The following PPM1B variants were observed in gnomAD, a reference collection of about 807,000 sequenced individuals.
The protein encoded by PPM1B is protein phosphatase 1B.
PPM1B carries 22 observed loss-of-function variants against 43.0 expected under a neutral mutation model. That is an observed-to-expected ratio of 0.51 (90% CI 0.37 to 0.73). The LOEUF is 0.73. Ranked by LOEUF, PPM1B falls within the 30% of genes least tolerant of loss-of-function variation. PPM1B has a pLI of 0.00. For synonymous variants in PPM1B, 217 were observed against 197.9 expected (o/e 1.10, Z -0.81); for missense variants, 632 against 584.2 (o/e 1.08, Z -0.84).
In PPM1B at chr2:44,186,640, G is replaced by A. The variant is rs182037375; in HGVS notation, c.-14-14546G>A. On this transcript the variant is annotated intron_variant, in intron 1 of 5. Transcript: ENST00000282412. Reference sequence around the variant, plus strand: ...TCCACCCGCCTGAGCCTCCCAAACTGCTGGGATTATTGGCGTGAGCCATTG... The same window carrying A: ...TCCACCCGCCTGAGCCTCCCAAACTACTGGGATTATTGGCGTGAGCCATTG... Among the ~76,000 whole-genome samples, 235 of 152,304 alleles carry A rather than the reference G, an allele frequency of 1.5e-3. 2 individuals carry two copies. Among genetic ancestry groups the A allele is most frequent in the African/African-American group, 5.5e-3 (227 of 41,572 alleles).
chr2:44,178,680 A>C (rs1017053735), intron 1 of PPM1B, among the ~76,000 whole-genome samples: 1 of 151,884 alleles, frequency 6.6e-6, no homozygotes, highest in Non-Finnish European at 1.5e-5. Context: ...CATGTTGGCC[A>C]GGGTGGTCTG....
intron 3 of PPM1B, among the ~76,000 whole-genome samples, chr2:44,212,736 C>T (rs1305739433): frequency 6.6e-6 from 1 of 152,094 alleles, no homozygotes; most frequent in Non-Finnish European, 1.5e-5. Flanking sequence ...GTAGGCCAGT[C>T]ATGGTGGCTC....
intron 3 of PPM1B, among the ~76,000 whole-genome samples, chr2:44,215,592 C>A (rs1232405604): frequency 6.6e-6 from 1 of 151,916 alleles, no homozygotes; most frequent in Non-Finnish European, 1.5e-5. Context: ...CTTGGTAAAT[C>A]TGTGTGTATG....
intron 1 of PPM1B, among the ~76,000 whole-genome samples, chr2:44,177,439 A>G (rs1465034381): frequency 2.3e-5 from 2 of 88,736 alleles, no homozygotes; most frequent in African/African-American, 5.0e-5. Flanking sequence ...TTTTTTTGAG[A>G]CGGAGTTTTG....
intron 1 of PPM1B, among the ~76,000 whole-genome samples, chr2:44,172,210 G>A (rs568567793): frequency 2.8e-4 from 42 of 152,082 alleles, no homozygotes; most frequent in African/African-American, 1.0e-3. Context: ...ATTTCTTTTT[G>A]TTTTTCCCTT....
chr2:44,201,345 G>A lies in PPM1B; in HGVS notation c.146G>A (p.Gly49Asp). 6.2e-7 allele frequency: 1 copy of A among 1,614,148 alleles called. No individual in the cohort carries two copies. The highest frequency in any genetic ancestry group is 8.5e-7 in the Non-Finnish European group (1 of 1,180,022). ...ACAGCTGTTGTAGGTATTCCTCACG[G>A]CTTGGAAGACTGGTCATTTTTTGCA... ...AHTAVVGIPH[G>D]LEDWSFFAVY... The change falls in exon 2 of 6, where the codon GGC (glycine) becomes GAC (aspartate). Residue 49 changes from glycine to aspartate, a missense_variant. Physicochemically the swap from Gly to Asp is moderately conservative, Grantham distance 94. Transcript: ENST00000282412. This position sits in a 1 kb window ranked among gnomAD's most constrained non-coding sequence, Gnocchi z 5.4.
downstream of PPM1B, chr2:44,232,328 C>G: frequency 1.9e-6 from 3 of 1,605,498 alleles, no homozygotes; most frequent in Non-Finnish European, 2.6e-6. Flanking sequence ...TGCTGGAGAT[C>G]TAGAAGACCC....
chr2:44,190,447 C>G (rs150956631), intron 1 of PPM1B, among the ~76,000 whole-genome samples: 10 of 152,184 alleles, frequency 6.6e-5, no homozygotes, highest in African/African-American at 2.4e-4. Flanking sequence ...GCGTGAGCCA[C>G]TGTGCCTGGC....
chr2:44,226,420 C>T (rs897235652), intron 5 of PPM1B, among the ~76,000 whole-genome samples: 2 of 152,120 alleles, frequency 1.3e-5, no homozygotes, highest in Admixed American at 6.6e-5. Context: ...GACCCAAATA[C>T]GACAAATGGA....
At chr2:44,233,013 C>G (rs1670513027), downstream of PPM1B, 2 of 982,540 alleles carry the variant, frequency 2.0e-6, no homozygotes, top group Non-Finnish European at 2.4e-6. Context: ...CATCCTTCAA[C>G]TCTCACTAGA....
intron 5 of PPM1B, among the ~76,000 whole-genome samples, chr2:44,240,125 G>C (rs1245132823): frequency 6.9e-6 from 1 of 145,068 alleles, no homozygotes; most frequent in African/African-American, 2.5e-5. Context: ...CTCCTGCCTC[G>C]GCCTCCCAAA....
intron 5 of PPM1B, among the ~76,000 whole-genome samples, chr2:44,227,706 G>C (rs569365856): frequency 1.3e-5 from 2 of 151,410 alleles, no homozygotes; most frequent in Non-Finnish European, 2.9e-5. Flanking sequence ...TTTTAGTAGA[G>C]ATGGGGTTTC....
downstream of PPM1B, among the ~76,000 whole-genome samples, chr2:44,232,009 G>A (rs942970713): frequency 3.9e-5 from 6 of 152,030 alleles, no homozygotes; most frequent in African/African-American, 1.2e-4. Context: ...TTGAAACTTC[G>A]GAATCTTTGG....
At chr2:44,173,215 T>C (rs1263159440) in intron 1 of PPM1B, among the ~76,000 whole-genome samples, 1 of 152,178 alleles carries the variant, frequency 6.6e-6, no homozygotes, top group Non-Finnish European at 1.5e-5. Context: ...GGAATCAGCG[T>C]TATGGTGAAA....
downstream of PPM1B, among the ~76,000 whole-genome samples, chr2:44,231,696 C>G (rs551194801): frequency 1.3e-5 from 2 of 152,034 alleles, no homozygotes; most frequent in South Asian, 4.2e-4. Context: ...AAATATTAAT[C>G]TTTGGACATT....
downstream of PPM1B, chr2:44,233,019 C>T (rs1670513177): frequency 3.1e-6 from 3 of 983,228 alleles, no homozygotes; most frequent in Non-Finnish European, 3.6e-6. Context: ...TCAACTCTCA[C>T]TAGAAAATCT....
At chr2:44,232,404 C>T (rs1163471717), downstream of PPM1B, 42 of 1,594,876 alleles carry the variant, frequency 2.6e-5, no homozygotes, top group Non-Finnish European at 3.6e-5. Flanking sequence ...AACTTTTAAT[C>T]ACAATTTTCT....
At chr2:44,233,630 G>C, downstream of PPM1B, 1 of 985,742 alleles carries the variant, frequency 1.0e-6, no homozygotes, top group Non-Finnish European at 1.2e-6. Flanking sequence ...CTTGTGTGTA[G>C]TTAAAATGAG....
At chr2:44,179,513 G>C (rs1000038824) in intron 1 of PPM1B, among the ~76,000 whole-genome samples, 1 of 152,120 alleles carries the variant, frequency 6.6e-6, no homozygotes, top group African/African-American at 2.4e-5. Flanking sequence ...AATCTAAGGA[G>C]AGAGAAATGG....
Sources: gnomAD v4.1 joint callset for allele counts (sites outside exome capture counted in the v4.1 genomes callset) on GRCh38, gnomAD v4.1.1 for gene constraint, Gnocchi (gnomAD v3.1) non-coding constraint, MANE v1.5 for transcripts, NCBI Gene and HGNC (gene_info 2026-07-23, HGNC 2026-07-21) for gene names.